The following RPIA variants were observed in gnomAD, a reference collection of about 807,000 sequenced individuals.
The protein encoded by RPIA is ribose-5-phosphate isomerase.
In RPIA, 29 loss-of-function variants were observed where a neutral mutation model predicts 37.8. That is an observed-to-expected ratio of 0.77 (90% confidence interval 0.57 to 1.05). The LOEUF is 1.05. Ranked by LOEUF, RPIA falls within the 50% of genes least tolerant of loss-of-function variation. The probability of loss-of-function intolerance (pLI) is 0.00; values close to 1 mark genes in which losing one functional copy is unlikely to be tolerated. For missense variants in RPIA, 385 were observed against 413.6 expected, an observed-to-expected ratio of 0.93 and a Z score of 0.60; for synonymous variants, 167 against 157.0, an observed-to-expected ratio of 1.06 and a Z score of -0.48.
At chr2:88,717,734 C>A (rs775864521) in intron 3 of RPIA, among the ~76,000 whole-genome samples, 1 of 152,134 alleles carries the variant, frequency 6.6e-6, no homozygotes, top group Non-Finnish European at 1.5e-5. Flanking sequence ...TCTCTGGCTT[C>A]AGGTTTCTTC....
chr2:88,710,042 A>G (rs932930372), intron 3 of RPIA, among the ~76,000 whole-genome samples: 1 of 151,992 alleles, frequency 6.6e-6, no homozygotes, highest in African/African-American at 2.4e-5. Context: ...GATCTGGGCA[A>G]GGCAGTTCTT....
intron 3 of RPIA, among the ~76,000 whole-genome samples, chr2:88,713,122 T>TATA (rs60868319): frequency 0.019 from 795 of 42,468 alleles, no homozygotes; most frequent in Non-Finnish European, 0.02. Flanking sequence ...ATATATATAT[T>TATA]TTTTTTTTTT....
chr2:88,725,163 G>A (rs1673180041), intron 3 of RPIA, among the ~76,000 whole-genome samples: 1 of 152,142 alleles, frequency 6.6e-6, no homozygotes, highest in African/African-American at 2.4e-5. Flanking sequence ...ACGCTCCGGA[G>A]ACCCTTTTGC....
chr2:88,735,884 G>C, intron 6 of RPIA, 147 bp downstream of exon 6: 1 of 807,608 alleles, frequency 1.2e-6, no homozygotes, highest in South Asian at 1.4e-5. Context: ...ACAGTGTCTA[G>C]GAGACCTTAT....
chr2:88,747,135 G>A (rs1478195566), intron 8 of RPIA, among the ~76,000 whole-genome samples: 1 of 152,156 alleles, frequency 6.6e-6, no homozygotes, highest in South Asian at 2.1e-4. Flanking sequence ...TGGCCACTGT[G>A]TGGGGTTGGG....
At chr2:88,734,224 T>G (rs1673287142) in intron 4 of RPIA, among the ~76,000 whole-genome samples, 1 of 152,066 alleles carries the variant, frequency 6.6e-6, no homozygotes, top group Non-Finnish European at 1.5e-5. Flanking sequence ...AATTTTTGCC[T>G]CTTGGGGGAG....
In RPIA at chr2:88,702,603, C is replaced by T. The variant is rs529060405; in HGVS notation, c.402+2539C>T. 1.3e-4 allele frequency among the ~76,000 whole-genome samples: 20 copies of T among 152,214 alleles called. No individual in the cohort carries two copies. The South Asian group carries it at 1.4e-3, about 11-fold the overall frequency. ...TATGAGAACAGCGTGGAGGAAACCA[C>T]GCTCATGATTCAATTATCTCCCACC... On this transcript the variant is annotated intron_variant, in intron 3 of 8. Transcript: ENST00000283646.
At chr2:88,693,058 G>T (rs1676965294) in intron 1 of RPIA, among the ~76,000 whole-genome samples, 1 of 152,196 alleles carries the variant, frequency 6.6e-6, no homozygotes, top group Admixed American at 6.5e-5. Flanking sequence ...CAGAGATAAT[G>T]TAAAATGTGT....
At chr2:88,715,110 G>A (rs1423968241) in intron 3 of RPIA, among the ~76,000 whole-genome samples, 1 of 152,212 alleles carries the variant, frequency 6.6e-6, no homozygotes. Flanking sequence ...GCAGAGAAAG[G>A]TTTAACCATA....
At chr2:88,696,644 A>G (rs1422483126) in intron 1 of RPIA, among the ~76,000 whole-genome samples, 1 of 152,212 alleles carries the variant, frequency 6.6e-6, no homozygotes, top group Non-Finnish European at 1.5e-5. Context: ...TAAATTAATG[A>G]GGGAACTGGA....
At chr2:88,749,466 G>A (rs1673475890) in intron 8 of RPIA, among the ~76,000 whole-genome samples, 1 of 152,162 alleles carries the variant, frequency 6.6e-6, no homozygotes, top group South Asian at 2.1e-4. Flanking sequence ...TTTTCTTGAT[G>A]ATTTATAAAT....
At chr2:88,742,340 T>C (rs1673392393) in intron 8 of RPIA, among the ~76,000 whole-genome samples, 1 of 152,242 alleles carries the variant, frequency 6.6e-6, no homozygotes, top group Non-Finnish European at 1.5e-5. Context: ...GTTTGCTTTG[T>C]TGAAGATCAG....
chr2:88,706,472 A>G (rs991378873), intron 3 of RPIA, among the ~76,000 whole-genome samples: 2 of 145,346 alleles, frequency 1.4e-5, no homozygotes, highest in African/African-American at 5.1e-5. Context: ...CAAACATTGC[A>G]TGTTCTCACT....
intron 1 of RPIA, among the ~76,000 whole-genome samples, chr2:88,693,073 T>A (rs1676965383): frequency 1.3e-5 from 2 of 152,234 alleles, no homozygotes; most frequent in South Asian, 4.1e-4. Context: ...ATGTGTTAAT[T>A]TGACCCTACC....
intron 3 of RPIA, among the ~76,000 whole-genome samples, chr2:88,703,728 T>C (rs1558689224): frequency 2.0e-5 from 3 of 152,234 alleles, no homozygotes; most frequent in Admixed American, 6.5e-5. Context: ...GTCTTGGGGA[T>C]TAACATTTGG....
At chr2:88,700,806 A>G (rs1672821378) in intron 3 of RPIA, among the ~76,000 whole-genome samples, 1 of 152,190 alleles carries the variant, frequency 6.6e-6, no homozygotes, top group South Asian at 2.1e-4. Flanking sequence ...GGAAGGGAAG[A>G]CAGTTGCTCA....
intron 3 of RPIA, among the ~76,000 whole-genome samples, chr2:88,717,063 G>A (rs942065777): frequency 5.3e-5 from 8 of 152,174 alleles, no homozygotes; most frequent in Admixed American, 2.0e-4. Flanking sequence ...TCTCTCTGCA[G>A]CACTCCCTCC....
chr2:88,711,165 A>G (rs879333245), intron 3 of RPIA, among the ~76,000 whole-genome samples: 36 of 152,278 alleles, frequency 2.4e-4, no homozygotes, highest in Non-Finnish European at 4.4e-5. Context: ...ATTTGGAGCA[A>G]TTTTTATCTC....
chr2:88,737,573 C>T (rs1673329856), intron 7 of RPIA, among the ~76,000 whole-genome samples: 1 of 152,110 alleles, frequency 6.6e-6, no homozygotes, highest in South Asian at 2.1e-4. Context: ...TGTTTCTTGC[C>T]CTTTTTCTTA....
Sources: allele counts gnomAD v4.1 joint callset (sites outside exome capture counted in the v4.1 genomes callset), GRCh38; gene constraint gnomAD v4.1.1; transcripts MANE v1.5; gene names NCBI Gene and HGNC (gene_info 2026-07-23, HGNC 2026-07-21).